NUBPL: variants seen among roughly 807,000 people sequenced by gnomAD.
The protein encoded by NUBPL is iron-sulfur cluster transfer protein NUBPL.
A neutral mutation model predicts 45.7 loss-of-function variants in NUBPL; 31 were observed. The observed-to-expected ratio is 0.68, with a 90% CI of 0.51 to 0.92. The LOEUF (loss-of-function observed/expected upper bound fraction) is 0.92. NUBPL is among the 40% of genes least tolerant of loss of function. NUBPL has a pLI of 0.00. For synonymous variants in NUBPL, 144 were observed against 140.9 expected (o/e 1.02, Z -0.15); for missense variants, 401 against 398.7 (o/e 1.01, Z -0.05).
intron 6 of NUBPL, among the ~76,000 whole-genome samples, chr14:31,761,843 GAT>G (rs981919071): frequency 2.6e-5 from 4 of 152,022 alleles, no homozygotes; most frequent in African/African-American, 9.7e-5. Context: ...ACTGATTTTG[GAT>G]ATATAGTTTC....
intron 8 of NUBPL, among the ~76,000 whole-genome samples, chr14:31,840,242 CAT>C (rs2040347176): frequency 6.6e-6 from 1 of 152,134 alleles, no homozygotes; most frequent in African/African-American, 2.4e-5. Context: ...CACACACACA[CAT>C]AGACACAGAC....
chr14:31,577,981 C>A, intron 3 of NUBPL: 4 of 1,289,074 alleles, frequency 3.1e-6, no homozygotes, highest in Non-Finnish European at 4.0e-6. Context: ...CGTCTTAAAT[C>A]ATCTGCCACT....
In NUBPL at chr14:31,561,407, T is replaced by G; in HGVS notation, c.-33T>G. ...ATCACTCCGCGCCACCCGCGACAGT[T>G]TCCCAGCAGGGCTCACAGCAGCGTT... On this transcript the variant is annotated 5_prime_UTR_variant, in exon 1 of 11. Coordinates refer to ENST00000281081, the MANE Select transcript of NUBPL (RefSeq NM_025152.3). The G allele has an allele frequency of 4.0e-6, 5 of 1,263,516 alleles. No homozygotes were observed. The highest frequency in any genetic ancestry group is 5.1e-6 in the Non-Finnish European group (5 of 974,912). The allele number at this position is 1,263,516 out of a possible 1,614,324, so 78.3% of individuals were successfully genotyped here.
intron 6 of NUBPL, among the ~76,000 whole-genome samples, chr14:31,735,463 GTATA>G (rs2038144754): frequency 1.3e-5 from 2 of 152,170 alleles, no homozygotes; most frequent in African/African-American, 4.8e-5. Flanking sequence ...TAACTGAAAA[GTATA>G]GGGGATTGGT....
At chr14:31,675,573 T>C (rs2036674461) in intron 6 of NUBPL, among the ~76,000 whole-genome samples, 1 of 152,156 alleles carries the variant, frequency 6.6e-6, no homozygotes, top group African/African-American at 2.4e-5. Context: ...AGATAAATTA[T>C]CCCAAAGTTG....
chr14:31,790,060 A>T (rs2039351658), intron 7 of NUBPL, among the ~76,000 whole-genome samples: 1 of 152,202 alleles, frequency 6.6e-6, no homozygotes, highest in Non-Finnish European at 1.5e-5. Flanking sequence ...TACTTGCATT[A>T]TTCATATAGA....
At chr14:31,575,816 G>A (rs2033702201) in intron 3 of NUBPL, among the ~76,000 whole-genome samples, 1 of 152,142 alleles carries the variant, frequency 6.6e-6, no homozygotes, top group African/African-American at 2.4e-5. Flanking sequence ...TTGGAGGAAA[G>A]GTATGCTATT....
At chr14:31,825,023 C>T (rs981572938) in intron 7 of NUBPL, among the ~76,000 whole-genome samples, 1 of 152,156 alleles carries the variant, frequency 6.6e-6, no homozygotes, top group Non-Finnish European at 1.5e-5. Flanking sequence ...TGCACTTTCT[C>T]TCAAAACTCT....
intron 3 of NUBPL, chr14:31,578,077 A>T: frequency 1.2e-6 from 1 of 811,634 alleles, no homozygotes; most frequent in Non-Finnish European, 1.8e-6. Context: ...AAAGTTTTGA[A>T]TGCATTACTG....
chr14:31,846,641 G>A, intron 9 of NUBPL, 50 bp downstream of exon 9: 1 of 1,606,652 alleles, frequency 6.2e-7, no homozygotes, highest in Non-Finnish European at 8.5e-7. Flanking sequence ...AAGAGAAAGT[G>A]GGGATGAGGC....
intron 7 of NUBPL, among the ~76,000 whole-genome samples, chr14:31,807,057 T>C (rs1470020822): frequency 1.3e-5 from 2 of 152,236 alleles, no homozygotes; most frequent in Non-Finnish European, 2.9e-5. Flanking sequence ...GTCTTTGCTA[T>C]TGTGAATAGT....
chr14:31,731,438 G>A (rs1289251977), intron 6 of NUBPL, among the ~76,000 whole-genome samples: 1 of 152,182 alleles, frequency 6.6e-6, no homozygotes, highest in Non-Finnish European at 1.5e-5. Flanking sequence ...TTCTTAGTGG[G>A]CACTGCTGTT....
At chr14:31,755,256 TC>T (rs1169484248) in intron 6 of NUBPL, among the ~76,000 whole-genome samples, 1 of 152,056 alleles carries the variant, frequency 6.6e-6, no homozygotes, top group Non-Finnish European at 1.5e-5. Context: ...TAGTTCTAGA[TC>T]CCTGAGGAAT....
intron 4 of NUBPL, among the ~76,000 whole-genome samples, chr14:31,642,784 G>A (rs1460912919): frequency 2.0e-5 from 3 of 151,924 alleles, no homozygotes; most frequent in African/African-American, 4.8e-5. Context: ...TCCAATTCAT[G>A]AGCATGGAAT....
chr14:31,613,304 G>C (rs2034809885), intron 4 of NUBPL, among the ~76,000 whole-genome samples: 1 of 152,222 alleles, frequency 6.6e-6, no homozygotes, highest in African/African-American at 2.4e-5. Flanking sequence ...GGGAAGGGTA[G>C]TAGGGGAGTT....
intron 8 of NUBPL, among the ~76,000 whole-genome samples, chr14:31,840,438 G>A (rs1356775311): frequency 6.6e-6 from 1 of 152,070 alleles, no homozygotes; most frequent in Admixed American, 6.6e-5. Context: ...GCCAGACGTG[G>A]TGGCGGGCGC....
intron 7 of NUBPL, among the ~76,000 whole-genome samples, chr14:31,815,144 C>G (rs1215270551): frequency 6.6e-6 from 1 of 152,150 alleles, no homozygotes; most frequent in Non-Finnish European, 1.5e-5. Flanking sequence ...GCCATTTTCA[C>G]AACATTGATT....
intron 6 of NUBPL, among the ~76,000 whole-genome samples, chr14:31,677,187 C>T (rs1373012): frequency 0.29 from 44,648 of 151,962 alleles, 7,441 homozygotes; most frequent in South Asian, 0.41. Flanking sequence ...TTCAAACAAT[C>T]GAATTATACT....
intron 7 of NUBPL, among the ~76,000 whole-genome samples, chr14:31,790,592 C>T (rs2039362129): frequency 6.6e-6 from 1 of 152,204 alleles, no homozygotes; most frequent in Non-Finnish European, 1.5e-5. Context: ...TGGCTCATGC[C>T]TGTAATCCCA....
Sources: gnomAD v4.1 joint callset for allele counts (sites outside exome capture counted in the v4.1 genomes callset) on GRCh38, gnomAD v4.1.1 for gene constraint, MANE v1.5 for transcripts, NCBI Gene and HGNC (gene_info 2026-07-23, HGNC 2026-07-21) for gene names.